The following ABCA1 variants were observed in gnomAD, a reference collection of about 807,000 sequenced individuals.
The protein encoded by ABCA1 is phospholipid-transporting ATPase ABCA1.
ABCA1 carries 133 observed loss-of-function variants against 262.5 expected under a neutral mutation model. The observed-to-expected ratio is 0.51, with a 90% confidence interval of 0.44 to 0.59. The LOEUF is 0.59. ABCA1 is among the 20% of genes least tolerant of loss of function. The probability of loss-of-function intolerance (pLI) is 0.00; values close to 1 mark genes in which losing one functional copy is unlikely to be tolerated. For synonymous variants in ABCA1, 1,022 were observed against 1,043.5 expected, an observed-to-expected ratio of 0.98 and a Z score of 0.40; for missense variants, 2,452 against 2,777.5, an observed-to-expected ratio of 0.88 and a Z score of 2.63.
intron 22 of ABCA1, 100 bp from the exon 23 acceptor site, chr9:104,818,983 T>C: frequency 8.4e-7 from 1 of 1,197,286 alleles, no homozygotes; most frequent in South Asian, 1.3e-5. Context: ...GGGTAAGCAC[T>C]GGAAGAGACC....
At chr9:104,833,965 T>C (rs903537344) in intron 11 of ABCA1, among the ~76,000 whole-genome samples, 1 of 131,952 alleles carries the variant, frequency 7.6e-6, no homozygotes, top group Non-Finnish European at 1.7e-5. Flanking sequence ...GGAGAGGCAT[T>C]TGCAACTCCT....
At chr9:104,888,988 A>T (rs1839463555) in intron 3 of ABCA1, 114 bp downstream of exon 3, 1 of 933,568 alleles carries the variant, frequency 1.1e-6, no homozygotes, top group East Asian at 2.4e-5. Flanking sequence ...GATCCAAAGC[A>T]TGTGTGATGT....
At chr9:104,895,930 G>C (rs753109320) in intron 2 of ABCA1, among the ~76,000 whole-genome samples, 29 of 152,216 alleles carry the variant, frequency 1.9e-4, no homozygotes, top group Non-Finnish European at 3.4e-4. Context: ...CCTTAGGCAA[G>C]AGGCTTCTGA....
chr9:104,911,357 ATTGCC>A (rs1266949190), intron 1 of ABCA1, among the ~76,000 whole-genome samples: 1 of 152,178 alleles, frequency 6.6e-6, no homozygotes, highest in African/African-American at 2.4e-5. Flanking sequence ...CTGTTCTCTA[ATTGCC>A]TCTCTGATCA....
chr9:104,923,215 T>C (rs954135067), intron 1 of ABCA1, among the ~76,000 whole-genome samples: 2 of 152,224 alleles, frequency 1.3e-5, no homozygotes, highest in African/African-American at 2.4e-5. Context: ...AAGTTAGGTT[T>C]TACAACTAAA....
intron 1 of ABCA1, among the ~76,000 whole-genome samples, chr9:104,909,018 A>G (rs528035329): frequency 3.3e-5 from 5 of 152,182 alleles, no homozygotes; most frequent in Non-Finnish European, 7.3e-5. Flanking sequence ...TGAACCAAAT[A>G]AACTGCCTTC....
Position 104,898,541 on chromosome 9 carries a change from C to T in ABCA1, c.66+5073G>A, listed in dbSNP as rs941197826. Among the ~76,000 whole-genome samples, 8 of 147,532 alleles carry T rather than the reference C, an allele frequency of 5.4e-5. No homozygotes were observed. The East Asian group carries it at 5.9e-4, about 11-fold the overall frequency. The stretch of plus-strand genomic sequence containing the variant: ...CAGCCTGGGCGACAGAACTAGACTC[C>T]GTCTTGAAAAATAAATAAATAAATA... On this transcript the variant is annotated intron_variant, in intron 2 of 49. Transcript: ENST00000374736.
intron 48 of ABCA1, 118 bp downstream of exon 48, chr9:104,786,180 A>G: frequency 8.1e-6 from 7 of 861,686 alleles, no homozygotes; most frequent in Middle Eastern, 4.6e-4. Context: ...TCTTTCCACT[A>G]TACTGTTTTG....
chr9:104,817,316 A>T lies in ABCA1; in HGVS notation c.3535+16T>A. The T allele has an allele frequency of 6.2e-7, 1 of 1,613,672 alleles. No homozygotes were observed. The highest frequency in any genetic ancestry group is 8.5e-7 in the Non-Finnish European group (1 of 1,179,930). On this transcript the variant is annotated intron_variant, in intron 24 of 49. Transcript: ENST00000374736. This position sits in a 1 kb window ranked among gnomAD's most constrained non-coding sequence, Gnocchi z 4.7. ...AGCTCAGGCACCACCTGAATAAGAA[A>T]CCCCAGAGTCCTTACCGATGGTCAG... is the stretch of plus-strand genomic sequence containing the variant.
At chr9:104,841,147 G>A (rs1320381634) in intron 8 of ABCA1, among the ~76,000 whole-genome samples, 1 of 152,088 alleles carries the variant, frequency 6.6e-6, no homozygotes, top group Non-Finnish European at 1.5e-5. Context: ...TGAAAAACTC[G>A]AGTCTGGGCC....
At chr9:104,911,348 T>C (rs1841482960) in intron 1 of ABCA1, among the ~76,000 whole-genome samples, 1 of 152,230 alleles carries the variant, frequency 6.6e-6, no homozygotes, top group Admixed American at 6.5e-5. Context: ...GGAAAAGGTC[T>C]GTTCTCTAAT....
chr9:104,850,401 C>T (rs144663874), intron 7 of ABCA1, among the ~76,000 whole-genome samples: 3 of 152,298 alleles, frequency 2.0e-5, no homozygotes, highest in East Asian at 1.9e-4. Context: ...GGATTGCAGG[C>T]GTGAGCCACC....
chr9:104,894,738 C>T (rs1451651848), intron 2 of ABCA1, among the ~76,000 whole-genome samples: 1 of 152,238 alleles, frequency 6.6e-6, no homozygotes, highest in African/African-American at 2.4e-5. Flanking sequence ...GACACCTGCT[C>T]TCTCAAAGCC....
chr9:104,878,499 AG>A (rs1441988330), intron 5 of ABCA1, among the ~76,000 whole-genome samples: 2 of 152,194 alleles, frequency 1.3e-5, no homozygotes, highest in Non-Finnish European at 2.9e-5. Flanking sequence ...CTGGAGCAGC[AG>A]GGGGGTTTAG....
chr9:104,898,862 T>A (rs1840434434), intron 2 of ABCA1, among the ~76,000 whole-genome samples: 1 of 152,160 alleles, frequency 6.6e-6, no homozygotes, highest in Admixed American at 6.5e-5. Context: ...CTAAATGAAA[T>A]CCCTACCCAC....
Position 104,842,341 on chromosome 9 carries a change from G to A in ABCA1, c.814-1822C>T, listed in dbSNP as rs113734545. Among the ~76,000 whole-genome samples the A allele has an allele frequency of 4.2e-3, 641 of 152,138 alleles. 7 individuals are homozygous for A. The highest frequency in any genetic ancestry group is 0.015 in the African/African-American group (604 of 41,496). On this transcript the variant is annotated intron_variant, in intron 8 of 49. Transcript: ENST00000374736. ...CCATTTTGCCTTTTGTTGCTTATTG[G>A]AACAGCCCTAGAGATTTTTAAATAA...
At chr9:104,902,166 C>T (rs1840720790) in intron 2 of ABCA1, among the ~76,000 whole-genome samples, 1 of 152,140 alleles carries the variant, frequency 6.6e-6, no homozygotes, top group East Asian at 1.9e-4. Flanking sequence ...GGATTTTAAA[C>T]ACTTTGTTTT....
chr9:104,836,046 A>G (rs996548001), intron 11 of ABCA1, among the ~76,000 whole-genome samples: 12 of 152,234 alleles, frequency 7.9e-5, no homozygotes, highest in African/African-American at 2.4e-4. Flanking sequence ...TTTAGAGAAG[A>G]GACCCCACTT....
chr9:104,818,877 G>A lies in ABCA1; in HGVS notation c.3248C>T (p.Thr1083Ile). ...ELLLKYRQGR[T>I]IILSTHHMDE... ...CATGTGGTGTGTAGAGAGAATAATGGTGCGGCCTGCCAGGCACAAACACAA... is the reference window on the plus strand; with the variant it reads ...CATGTGGTGTGTAGAGAGAATAATGATGCGGCCTGCCAGGCACAAACACAA... Residue 1083 changes from threonine to isoleucine, a missense_variant, in exon 23 of 50, where the codon ACC becomes ATC. Around this residue, in one of 4 missense-constraint regions of ABCA1, gnomAD observed 665 missense variants for 727.3 expected, o/e 0.91. Transcript: ENST00000374736. 2.5e-6 allele frequency: 4 copies of A among 1,612,736 alleles called. No homozygotes were observed. In the South Asian group the frequency reaches 4.4e-5, roughly 18 times the overall value.
Sources: allele counts gnomAD v4.1 joint callset (sites outside exome capture counted in the v4.1 genomes callset), GRCh38; gene constraint gnomAD v4.1.1; regional missense constraint gnomAD v4.1.1; non-coding constraint Gnocchi (gnomAD v3.1); transcripts MANE v1.5; gene names NCBI Gene and HGNC (gene_info 2026-07-23, HGNC 2026-07-21).